RFX7: variants seen among roughly 807,000 people sequenced by gnomAD.
The protein encoded by RFX7 is regulatory factor X7.
Under a neutral mutation model 111.8 loss-of-function variants are expected in RFX7, and 26 were observed. That is an observed-to-expected ratio of 0.23 (90% confidence interval 0.17 to 0.32). The LOEUF (loss-of-function observed/expected upper bound fraction) is 0.32, where lower values mean the gene tolerates loss of function less well. RFX7 is among the 10% of genes least tolerant of loss of function. The probability of loss-of-function intolerance (pLI) is 1.00; values close to 1 mark genes in which losing one functional copy is unlikely to be tolerated. For synonymous variants in RFX7, 624 were observed against 624.4 expected, an observed-to-expected ratio of 1.00 and a Z score of 0.01; for missense variants, 1,573 against 1,772.9, an observed-to-expected ratio of 0.89 and a Z score of 2.02.
At chr15:56,107,346 T>TC in intron 5 of RFX7, among the ~76,000 whole-genome samples, 1 of 148,892 alleles carries the variant, frequency 6.7e-6, no homozygotes, top group South Asian at 2.1e-4. Context: ...TTTTTTTTTT[T>TC]CTCTTGCTCC....
At chr15:56,220,885 T>C (rs1314371670) in intron 2 of RFX7, among the ~76,000 whole-genome samples, 1 of 152,222 alleles carries the variant, frequency 6.6e-6, no homozygotes, top group Non-Finnish European at 1.5e-5. Context: ...CCAGTTTCAA[T>C]TCTCTGCATA....
intron 2 of RFX7, among the ~76,000 whole-genome samples, chr15:56,213,120 A>T (rs1413189288): frequency 6.6e-6 from 1 of 152,224 alleles, no homozygotes; most frequent in African/African-American, 2.4e-5. Context: ...ATCCTTTAGG[A>T]AATTAAACTT....
At chr15:56,179,217 T>G in intron 3 of RFX7, 53 bp downstream of exon 3, 2 of 829,264 alleles carry the variant, frequency 2.4e-6, no homozygotes, top group South Asian at 3.2e-5. Flanking sequence ...ATATTTTATA[T>G]CGTCATAAAA....
At position 56,214,399 on chromosome 15, in the gene RFX7, A is replaced by G. The variant is rs1343859341; in HGVS notation, c.161+28726T>C. On this transcript the variant is annotated intron_variant, in intron 2 of 9. Coordinates refer to ENST00000559447, the MANE Select transcript of RFX7 (RefSeq NM_022841.7). The stretch of plus-strand genomic sequence containing the variant: ...ATTTATTTATGCCTACATTATTGAA[A>G]ATCTTTCAATAAGGTTTTAAAATCT... 1.3e-5 allele frequency among the ~76,000 whole-genome samples: 2 copies of G among 152,146 alleles called. 1 individual carries two copies. The highest frequency in any genetic ancestry group is 4.8e-5 in the African/African-American group (2 of 41,424).
intron 5 of RFX7, among the ~76,000 whole-genome samples, chr15:56,127,449 CAGA>C (rs2042158344): frequency 6.7e-6 from 1 of 148,536 alleles, no homozygotes; most frequent in African/African-American, 2.5e-5. Context: ...CCTAAACAAG[CAGA>C]AGAAGGCTAT....
intron 2 of RFX7, among the ~76,000 whole-genome samples, chr15:56,215,402 A>G (rs2043353770): frequency 6.6e-6 from 1 of 152,242 alleles, no homozygotes; most frequent in Non-Finnish European, 1.5e-5. Context: ...GTGTTTTATC[A>G]TAAAACAGAT....
intron 3 of RFX7, among the ~76,000 whole-genome samples, chr15:56,170,929 A>T (rs2141108892): frequency 6.6e-6 from 1 of 152,306 alleles, no homozygotes; most frequent in African/African-American, 2.4e-5. Flanking sequence ...TCTGAGTATG[A>T]AGAATCTTCC....
intron 5 of RFX7, among the ~76,000 whole-genome samples, chr15:56,110,544 G>T (rs1352552876): frequency 2.8e-4 from 7 of 24,840 alleles, no homozygotes; most frequent in African/African-American, 7.9e-4. Context: ...AGGGAGGTGG[G>T]GGGGGTCAGC....
chr15:56,099,954 C>A (rs146526261), intron 8 of RFX7, among the ~76,000 whole-genome samples: 53 of 152,310 alleles, frequency 3.5e-4, no homozygotes, highest in African/African-American at 1.2e-3. Flanking sequence ...AGAGATGTTT[C>A]TTTTCCCCAT....
At chr15:56,242,714 CTGTT>C (rs1370100941) in intron 2 of RFX7, among the ~76,000 whole-genome samples, 11 of 152,270 alleles carry the variant, frequency 7.2e-5, no homozygotes, top group African/African-American at 2.4e-4. Flanking sequence ...CGCACAGTAT[CTGTT>C]TGGTGAAAAT....
intron 2 of RFX7, among the ~76,000 whole-genome samples, chr15:56,226,976 C>A (rs1272038358): frequency 6.6e-6 from 1 of 152,090 alleles, no homozygotes; most frequent in East Asian, 1.9e-4. Flanking sequence ...AGGAAAAACT[C>A]TTTGGTATGT....
At chr15:56,146,350 C>T (rs1176459397) in intron 3 of RFX7, among the ~76,000 whole-genome samples, 3 of 152,146 alleles carry the variant, frequency 2.0e-5, no homozygotes, top group African/African-American at 7.2e-5. Flanking sequence ...AAGTGATCCT[C>T]CTGCCTCCCA....
chr15:56,122,040 G>A (rs1417356272), intron 5 of RFX7, among the ~76,000 whole-genome samples: 1 of 152,070 alleles, frequency 6.6e-6, no homozygotes, highest in Non-Finnish European at 1.5e-5. Context: ...AGTTCGTTTG[G>A]TGAGGTCATG....
intron 5 of RFX7, among the ~76,000 whole-genome samples, chr15:56,111,661 C>CAAAAAAAAAAAAAA (rs371681721): frequency 1.0e-5 from 1 of 95,576 alleles, no homozygotes; most frequent in Non-Finnish European, 2.0e-5. Context: ...ATAAATAAAC[C>CAAAAAAAAAAAAAA]AAAAAAAAAA....
chr15:56,156,486 A>G (rs1210733290), intron 3 of RFX7, among the ~76,000 whole-genome samples: 1 of 152,072 alleles, frequency 6.6e-6, no homozygotes, highest in Non-Finnish European at 1.5e-5. Flanking sequence ...CTGATAGACA[A>G]TATGTTATAA....
intron 5 of RFX7, among the ~76,000 whole-genome samples, chr15:56,138,582 G>GT (rs1296168683): frequency 5.9e-4 from 89 of 151,814 alleles, no homozygotes; most frequent in African/African-American, 2.1e-3. Context: ...TTGCCAGTCT[G>GT]TGTCTTTTAA....
intron 3 of RFX7, among the ~76,000 whole-genome samples, chr15:56,167,277 C>T (rs749945918): frequency 2.2e-4 from 33 of 152,050 alleles, no homozygotes; most frequent in Admixed American, 4.6e-4. Context: ...CATGGCACTG[C>T]ACTCCAAACT....
At chr15:56,204,886 A>G (rs1216291837) in intron 2 of RFX7, among the ~76,000 whole-genome samples, 1 of 152,194 alleles carries the variant, frequency 6.6e-6, no homozygotes, top group Admixed American at 6.5e-5. Flanking sequence ...TGAACCTCAA[A>G]GCACAAAGTT....
intron 2 of RFX7, among the ~76,000 whole-genome samples, chr15:56,184,587 T>A (rs1450443488): frequency 6.6e-6 from 1 of 152,200 alleles, no homozygotes; most frequent in Admixed American, 6.5e-5. Flanking sequence ...TGGTAAATGT[T>A]CTCTATCAAT....
Sources: gnomAD v4.1 joint callset for allele counts (sites outside exome capture counted in the v4.1 genomes callset) on GRCh38, gnomAD v4.1.1 for gene constraint, MANE v1.5 for transcripts, NCBI Gene and HGNC (gene_info 2026-07-23, HGNC 2026-07-21) for gene names.